Variants in DIDO1 observed in about 807,000 individuals in gnomAD.
DIDO1 encodes death-inducer obliterator 1.
In DIDO1, 16 loss-of-function variants were observed where a neutral mutation model predicts 99.4. That is an observed-to-expected ratio of 0.16 (90% confidence interval 0.11 to 0.24). The LOEUF (loss-of-function observed/expected upper bound fraction) is 0.24, where lower values mean the gene tolerates loss of function less well. DIDO1 is among the 10% of genes least tolerant of loss of function. The probability of loss-of-function intolerance (pLI) is 1.00; values close to 1 mark genes in which losing one functional copy is unlikely to be tolerated. For missense variants in DIDO1, 2,996 were observed against 3,014.0 expected, an observed-to-expected ratio of 0.99 and a Z score of 0.14; for synonymous variants, 1,366 against 1,239.1, an observed-to-expected ratio of 1.10 and a Z score of -2.15.
At chr20:62,907,528 G>C (rs1376592804) in intron 4 of DIDO1, among the ~76,000 whole-genome samples, 169 bp from the exon 5 acceptor site, 3 of 152,226 alleles carry the variant, frequency 2.0e-5, no homozygotes, top group Admixed American at 1.3e-4. Flanking sequence ...CTATGAAAAA[G>C]CCAGGTAAGG....
At position 62,881,236 on chromosome 20, in the gene DIDO1, C is replaced by T; in HGVS notation, c.4720G>A (p.Glu1574Lys). 6.2e-7 allele frequency: 1 copy of T among 1,603,062 alleles called. No individual in the cohort carries two copies. Among genetic ancestry groups the T allele is most frequent in the East Asian group, 2.2e-5 (1 of 44,824 alleles). ...GAGAGCCTGGAGAGAGGCTCCCCCT[C>T]CCCCTCACCGGTCTCAGTGGCCAGG... ...RRLATETGEGEGEPLSRLSAR... is the reference protein window; with the variant it reads ...RRLATETGEGKGEPLSRLSAR... The change falls in exon 16 of 16, where the codon GAG becomes AAG. Residue 1574 changes from glutamate to lysine, a missense_variant. Around this residue, in one of 5 missense-constraint regions of DIDO1, gnomAD observed 1,562 missense variants for 1,412.6 expected, o/e 1.11. Transcript: ENST00000395343. This position sits in a 1 kb window ranked among gnomAD's most constrained non-coding sequence, Gnocchi z 8.3.
chr20:62,906,679 GAC>G (rs1346688506), intron 5 of DIDO1, among the ~76,000 whole-genome samples: 1 of 148,460 alleles, frequency 6.7e-6, no homozygotes, highest in African/African-American at 2.5e-5. Context: ...TCAAGTCTAA[GAC>G]AAGAGTTTGC....
intron 1 of DIDO1, among the ~76,000 whole-genome samples, chr20:62,921,276 TATAACAAAAGCTCTTTG>T (rs1357541341): frequency 1.3e-5 from 2 of 152,188 alleles, no homozygotes; most frequent in Non-Finnish European, 2.9e-5. Context: ...TATCAATAGA[TATAACAAAAGCTCTTTG>T]GGGTCTTCCC....
At chr20:62,933,904 C>T (rs545060529) in intron 1 of DIDO1, among the ~76,000 whole-genome samples, 1 of 152,302 alleles carries the variant, frequency 6.6e-6, no homozygotes, top group African/African-American at 2.4e-5. Flanking sequence ...ATACCTTTAG[C>T]ACTCCTCTTT....
intron 1 of DIDO1, among the ~76,000 whole-genome samples, chr20:62,915,074 C>G (rs575584350): frequency 6.6e-6 from 1 of 152,270 alleles, no homozygotes; most frequent in South Asian, 2.1e-4. Flanking sequence ...CAAACTGAGC[C>G]CCAGCTCTCA....
intron 1 of DIDO1, among the ~76,000 whole-genome samples, chr20:62,935,778 G>A (rs2065376554): frequency 6.6e-6 from 1 of 152,240 alleles, no homozygotes; most frequent in Non-Finnish European, 1.5e-5. Context: ...GATGGCTTTT[G>A]GAGAGATCAC....
Position 62,880,920 on chromosome 20 carries a change from T to C in DIDO1, c.5036A>G (p.Glu1679Gly). Reference sequence around the variant, plus strand: ...CCCCGGGCAGGTGAAAGGGTCCCTCTCACCGTCGTGCTGCAGCGGGAAGCC... The same window carrying C: ...CCCCGGGCAGGTGAAAGGGTCCCTCCCACCGTCGTGCTGCAGCGGGAAGCC... ...QPGFPLQHDG[E>G]RDPFTCPGFA... The change falls in exon 16 of 16, where the codon GAG becomes GGG. Residue 1679 changes from glutamate to glycine, a missense_variant. Coordinates refer to ENST00000395343, the MANE Select transcript of DIDO1 (RefSeq NM_001193369.2). 1 of 1,610,212 alleles carries C rather than the reference T, an allele frequency of 6.2e-7. No individual in the cohort carries two copies. Among genetic ancestry groups the C allele is most frequent in the Non-Finnish European group, 8.5e-7 (1 of 1,179,872 alleles).
intron 1 of DIDO1, among the ~76,000 whole-genome samples, chr20:62,917,202 A>G (rs887031763): frequency 3.3e-5 from 5 of 150,068 alleles, no homozygotes; most frequent in Admixed American, 6.6e-5. Context: ...TAATTTTTGC[A>G]TTTTTTTTTG....
chr20:62,920,466 TGACAGC>T (rs1467914185), intron 1 of DIDO1, among the ~76,000 whole-genome samples: 2 of 152,158 alleles, frequency 1.3e-5, no homozygotes, highest in Non-Finnish European at 2.9e-5. Context: ...GCTTTACCGG[TGACAGC>T]GCATCAGATT....
chr20:62,895,262 C>A, intron 8 of DIDO1, 97 bp from the exon 9 acceptor site: 1 of 1,187,332 alleles, frequency 8.4e-7, no homozygotes, highest in Admixed American at 1.8e-5. Flanking sequence ...GTTTAGCGGG[C>A]ACAGGACAAA....
chr20:62,930,534 A>G (rs1184873751), upstream of DIDO1, among the ~76,000 whole-genome samples: 2 of 152,266 alleles, frequency 1.3e-5, no homozygotes, highest in Non-Finnish European at 2.9e-5. Flanking sequence ...TACACGTTCT[A>G]TGCGGCATAT....
At chr20:62,919,773 T>C (rs1207170708) in intron 1 of DIDO1, among the ~76,000 whole-genome samples, 1 of 152,230 alleles carries the variant, frequency 6.6e-6, no homozygotes, top group Non-Finnish European at 1.5e-5. Flanking sequence ...CCATGTGAGC[T>C]TGCAACAATC....
upstream of DIDO1, among the ~76,000 whole-genome samples, chr20:62,927,294 G>A (rs2065273125): frequency 6.6e-6 from 1 of 152,260 alleles, no homozygotes; most frequent in Non-Finnish European, 1.5e-5. Context: ...GCCCACAGGG[G>A]TTGGAGGGAA....
Position 62,881,547 on chromosome 20 carries a change from G to A in DIDO1, c.4409C>T (p.Pro1470Leu), listed in dbSNP as rs1049665926. Residue 1470 changes from proline to leucine, a missense_variant, in exon 16 of 16, where the codon CCC (proline) becomes CTC (leucine). This residue lies in a region of DIDO1 where 1,562 missense variants were observed against 1,412.6 expected (regional missense o/e 1.11). Coordinates refer to ENST00000395343, the MANE Select transcript of DIDO1 (RefSeq NM_001193369.2). The surrounding 1 kb of genome is among the most constrained non-coding windows in gnomAD (Gnocchi z 8.3). ...PAEPVAGAAT[P>L]SLVEQQKMLE... ...CATCTTCTGTTGCTCCACCAGGGAG[G>A]GCGTCGCAGCCCCGGCCACCGGCTC... 16 of 1,611,776 alleles carry A rather than the reference G, an allele frequency of 9.9e-6. No individual in the cohort carries two copies. The highest frequency in any genetic ancestry group is 1.3e-5 in the African/African-American group (1 of 75,050).
rs1448159972 is a variant in DIDO1, at chr20:62,893,658, G to A, written c.3101+8C>T. The A allele has an allele frequency of 6.3e-7, 1 of 1,590,738 alleles. No homozygotes were observed. Among genetic ancestry groups the A allele is most frequent in the East Asian group, 2.3e-5 (1 of 44,298 alleles). On this transcript the variant is annotated splice_region_variant and intron_variant, in intron 12 of 15. Transcript: ENST00000395343. ...TTGGCTTGTTCAGACCACACCTGAA[G>A]TACGCACCTGATATTTGGTGACGGA...
At chr20:62,899,999 C>G (rs6090159) in intron 6 of DIDO1, among the ~76,000 whole-genome samples, 26,864 of 152,202 alleles carry the variant, frequency 0.18, 2,621 homozygotes, top group East Asian at 0.29. Flanking sequence ...TGAACTATTA[C>G]GTTGTGTATA....
Position 62,911,471 on chromosome 20 carries a change from G to C in DIDO1, c.142C>G (p.Leu48Val), listed in dbSNP as rs757467442. The C allele has an allele frequency of 1.9e-6, 3 of 1,612,310 alleles. No individual in the cohort carries two copies. The highest frequency in any genetic ancestry group is 1.7e-6 in the Non-Finnish European group (2 of 1,179,296). Residue 48 changes from leucine to valine, a missense_variant, in exon 3 of 16, where the codon CTG (leucine) becomes GTG (valine). By Grantham distance (32) the Leu-to-Val change is conservative (BLOSUM62 1). Coordinates refer to ENST00000395343, the MANE Select transcript of DIDO1 (RefSeq NM_001193369.2). This position sits in a 1 kb window ranked among gnomAD's most constrained non-coding sequence, Gnocchi z 7.0. ...EGAGDAEADP[L>V]EPPPPQQQLG... ...TGCTGCTGTGGGGGTGGCGGCTCCA[G>C]TGGGTCAGCCTCCGCGTCCCCTGCG...
rs531088635 is a variant in DIDO1, at chr20:62,907,568, T to C, written c.1162-209A>G. Reference sequence around the variant, plus strand: ...CACACTGTCACTGCCCGTCATGCCCTGCAGGGGGCAGGAGTGTGAGGAGAC... The same window carrying C: ...CACACTGTCACTGCCCGTCATGCCCCGCAGGGGGCAGGAGTGTGAGGAGAC... On this transcript the variant is annotated intron_variant, in intron 4 of 15. Coordinates refer to ENST00000395343, the MANE Select transcript of DIDO1 (RefSeq NM_001193369.2). Among the ~76,000 whole-genome samples the C allele has an allele frequency of 1.1e-4, 16 of 152,370 alleles. No homozygotes were observed. In the South Asian group the frequency reaches 1.2e-3, roughly 12 times the overall value.
chr20:62,890,533 T>G, intron 15 of DIDO1: 1 of 1,004,784 alleles, frequency 1.0e-6, no homozygotes, highest in African/African-American at 1.7e-5. Flanking sequence ...TTAAGTCTCC[T>G]GGAAATCCAT....
Sources: allele counts gnomAD v4.1 joint callset (sites outside exome capture counted in the v4.1 genomes callset), GRCh38; gene constraint gnomAD v4.1.1; regional missense constraint gnomAD v4.1.1; non-coding constraint Gnocchi (gnomAD v3.1); transcripts MANE v1.5; gene names NCBI Gene and HGNC (gene_info 2026-07-23, HGNC 2026-07-21).